Variants in CFAP20DC observed in about 807,000 individuals in gnomAD.
The protein encoded by CFAP20DC is protein CFAP20DC.
A neutral mutation model predicts 101.7 loss-of-function variants in CFAP20DC; 84 were observed. The ratio of observed to expected loss-of-function variants is 0.83; its 90% confidence interval spans 0.69 to 0.99. The LOEUF is 0.99. Ranked by LOEUF, CFAP20DC falls within the 50% of genes least tolerant of loss-of-function variation. The pLI is 0.00. For missense variants in CFAP20DC, 1,007 were observed against 970.3 expected (o/e 1.04, Z -0.50); for synonymous variants, 359 against 351.2 (o/e 1.02, Z -0.25).
chr3:59,013,521 G>T (rs1280718301), intron 4 of CFAP20DC, among the ~76,000 whole-genome samples: 1 of 152,124 alleles, frequency 6.6e-6, no homozygotes, highest in African/African-American at 2.4e-5. Context: ...ATTACACACA[G>T]AAAGGCTTTT....
chr3:59,017,819 A>G (rs2093721512), intron 4 of CFAP20DC: 1 of 152,100 alleles, frequency 6.6e-6, no homozygotes. Context: ...GGAATGATTG[A>G]TTCGGCAGCT....
At chr3:59,023,499 T>G (rs1013553945) in intron 4 of CFAP20DC, among the ~76,000 whole-genome samples, 3 of 152,054 alleles carry the variant, frequency 2.0e-5, no homozygotes, top group Admixed American at 2.0e-4. Flanking sequence ...ATGAAAAACT[T>G]GAGCCAAAAG....
intron 4 of CFAP20DC, among the ~76,000 whole-genome samples, chr3:58,978,446 C>T (rs1309686558): frequency 3.3e-5 from 5 of 152,132 alleles, no homozygotes; most frequent in Admixed American, 1.3e-4. Context: ...CAGTGGCTCA[C>T]ACCTCTAATC....
chr3:58,973,533 AT>A (rs1390835256), intron 4 of CFAP20DC, among the ~76,000 whole-genome samples: 1 of 152,170 alleles, frequency 6.6e-6, no homozygotes, highest in African/African-American at 2.4e-5. Flanking sequence ...TGGGGATCAG[AT>A]TATCTCACCG....
intron 4 of CFAP20DC, among the ~76,000 whole-genome samples, chr3:59,009,792 C>G (rs2093538757): frequency 6.6e-6 from 1 of 151,954 alleles, no homozygotes; most frequent in South Asian, 2.1e-4. Context: ...AAAGTCAAGA[C>G]AAAGGAAAGA....
Position 58,870,295 on chromosome 3 carries a change from T to G in CFAP20DC, c.730A>C (p.Arg244=). The change falls in exon 8 of 17, where the codon AGA becomes CGA. Residue 244 remains arginine (R), a synonymous_variant. Coordinates refer to ENST00000482387, the MANE Select transcript of CFAP20DC (RefSeq NM_001394063.1). ...CTGTTCCGTGTAATACTTGTTCCTC[T>G]GTTAATGAACTGATCTGTTTTGTTA... ...RSAESDQFIN[R]GTSITRNSKN... 6.2e-7 allele frequency: 1 copy of G among 1,613,962 alleles called. No individual in the cohort carries two copies. Among genetic ancestry groups the G allele is most frequent in the South Asian group, 1.1e-5 (1 of 91,080 alleles).
At position 58,892,401 on chromosome 3, in the gene CFAP20DC, C is replaced by A. The variant is rs1220384372; in HGVS notation, c.551-7692G>T. Among the ~76,000 whole-genome samples the A allele has an allele frequency of 1.3e-5, 2 of 152,128 alleles. No homozygotes were observed. Among genetic ancestry groups the A allele is most frequent in the African/African-American group, 4.8e-5 (2 of 41,440 alleles). On this transcript the variant is annotated intron_variant, in intron 6 of 16. Transcript: ENST00000482387. The surrounding 1 kb of genome is among the most constrained non-coding windows in gnomAD (Gnocchi z 4.0). ...CAATGGCAGTTTAATGGGAATAGCA[C>A]TGAATCTATAAATTACTTTGAGCAG...
At chr3:58,763,617 A>C (rs953417517) in intron 15 of CFAP20DC, among the ~76,000 whole-genome samples, 1 of 152,094 alleles carries the variant, frequency 6.6e-6, no homozygotes, top group Non-Finnish European at 1.5e-5. Context: ...AGGCACTCTG[A>C]TTTTTAGAGT....
In CFAP20DC at chr3:58,964,119, G is replaced by A. The variant is rs575017378; in HGVS notation, c.279-26357C>T. Among the ~76,000 whole-genome samples, 5 of 152,288 alleles carry A rather than the reference G, an allele frequency of 3.3e-5. No individual in the cohort carries two copies. Among genetic ancestry groups the A allele is most frequent in the Admixed American group, 3.3e-4 (5 of 15,300 alleles). On this transcript the variant is annotated intron_variant, in intron 4 of 16. Coordinates refer to ENST00000482387, the MANE Select transcript of CFAP20DC (RefSeq NM_001394063.1). This position sits in a 1 kb window ranked among gnomAD's most constrained non-coding sequence, Gnocchi z 4.1. ...CACTGGCCTTGTGATAAGCAATACT[G>A]AAGCAGCTGCAGCTTGCCAACCACC...
intron 15 of CFAP20DC, among the ~76,000 whole-genome samples, chr3:58,792,209 G>A (rs1298724830): frequency 2.6e-5 from 4 of 152,136 alleles, no homozygotes; most frequent in African/African-American, 9.7e-5. Context: ...GTTCTTCACT[G>A]TATATGTAAA....
Position 58,964,859 on chromosome 3 carries a change from C to T in CFAP20DC, c.279-27097G>A, listed in dbSNP as rs2091417994. On this transcript the variant is annotated intron_variant, in intron 4 of 16. Transcript: ENST00000482387. This position sits in a 1 kb window ranked among gnomAD's most constrained non-coding sequence, Gnocchi z 4.1. ...CTAAAGATAGGTTGCTGGATGTAGA[C>T]TTGCCTGTCCAAATGATATGGACAG... is the stretch of plus-strand genomic sequence containing the variant. Among the ~76,000 whole-genome samples, 1 of 152,196 alleles carries T rather than the reference C, an allele frequency of 6.6e-6. No homozygotes were observed. Among genetic ancestry groups the T allele is most frequent in the African/African-American group, 2.4e-5 (1 of 41,448 alleles).
chr3:58,818,492 T>C (rs1049337499), intron 14 of CFAP20DC, among the ~76,000 whole-genome samples: 33 of 150,262 alleles, frequency 2.2e-4, no homozygotes, highest in Non-Finnish European at 4.1e-4. Context: ...GTTGCAATCC[T>C]AGTCTCTGAT....
intron 4 of CFAP20DC, chr3:58,970,214 A>C (rs1452583880): frequency 2.0e-5 from 3 of 152,152 alleles, no homozygotes; most frequent in Admixed American, 6.6e-5. Flanking sequence ...TGTCCCCCAC[A>C]AAGATATGTT....
intron 4 of CFAP20DC, among the ~76,000 whole-genome samples, chr3:58,997,743 G>T (rs1393811973): frequency 1.3e-5 from 2 of 152,128 alleles, no homozygotes; most frequent in Admixed American, 1.3e-4. Context: ...AAGTAAACAG[G>T]TCTAGTCTTG....
At chr3:58,762,288 G>C (rs1198503093) in intron 15 of CFAP20DC, among the ~76,000 whole-genome samples, 1 of 152,192 alleles carries the variant, frequency 6.6e-6, no homozygotes, top group African/African-American at 2.4e-5. Context: ...TTACCATTAT[G>C]TAATGGCCTT....
chr3:58,966,178 A>G (rs1184241373), intron 4 of CFAP20DC, among the ~76,000 whole-genome samples: 1 of 152,152 alleles, frequency 6.6e-6, no homozygotes, highest in Non-Finnish European at 1.5e-5. Context: ...TTCCTTCCTG[A>G]GCATCCCTTA....
In CFAP20DC at chr3:58,752,997, T is replaced by G. The variant is rs573695665; in HGVS notation, c.2332+772A>C. 7.9e-5 allele frequency among the ~76,000 whole-genome samples: 12 copies of G among 152,280 alleles called. No individual in the cohort carries two copies. The East Asian group carries it at 2.3e-3, about 29-fold the overall frequency. ...CTGAGGTTATTTGTCACTCCAATTA[T>G]GCACTTGAGATTACCCCATGCCTCT... On this transcript the variant is annotated intron_variant, in intron 16 of 16. Coordinates refer to ENST00000482387, the MANE Select transcript of CFAP20DC (RefSeq NM_001394063.1).
At chr3:58,818,471 A>G (rs1439580959) in intron 14 of CFAP20DC, among the ~76,000 whole-genome samples, 1 of 151,694 alleles carries the variant, frequency 6.6e-6, no homozygotes, top group East Asian at 1.9e-4. Flanking sequence ...GGAAAACTGA[A>G]AAAGGCAGGG....
At chr3:58,851,974 C>T (rs886247170) in intron 12 of CFAP20DC, among the ~76,000 whole-genome samples, 1 of 152,158 alleles carries the variant, frequency 6.6e-6, no homozygotes, top group African/African-American at 2.4e-5. Flanking sequence ...CTTTCTCAAA[C>T]CACTCTTATA....
Sources: gnomAD v4.1 joint callset for allele counts (sites outside exome capture counted in the v4.1 genomes callset) on GRCh38, gnomAD v4.1.1 for gene constraint, Gnocchi (gnomAD v3.1) non-coding constraint, MANE v1.5 for transcripts, NCBI Gene and HGNC (gene_info 2026-07-23, HGNC 2026-07-21) for gene names.